The following GRIN2A variants were observed in gnomAD, a reference collection of about 807,000 sequenced individuals.
GRIN2A encodes glutamate receptor ionotropic, NMDA 2A.
In GRIN2A, 22 loss-of-function variants were observed where a neutral mutation model predicts 113.4. That is an observed-to-expected ratio of 0.19 (90% CI 0.14 to 0.28). GRIN2A has a LOEUF of 0.28. Among genes scored for constraint, GRIN2A ranks in the 10% least tolerant of loss-of-function variants. The pLI, the probability that GRIN2A is intolerant of heterozygous loss-of-function variation, is 1.00. For missense variants in GRIN2A, 1,502 were observed against 1,887.0 expected, an observed-to-expected ratio of 0.80 and a Z score of 3.78; for synonymous variants, 827 against 738.4, an observed-to-expected ratio of 1.12 and a Z score of -1.94.
At chr16:10,179,873 G>A (rs770127321) in intron 2 of GRIN2A, 125 bp downstream of exon 2, 4 of 716,532 alleles carry the variant, frequency 5.6e-6, no homozygotes, top group South Asian at 1.5e-5. Flanking sequence ...CAGTGGCCAC[G>A]ACCCTCCCAC....
chr16:9,979,916 A>T (rs2045859533), intron 2 of GRIN2A, among the ~76,000 whole-genome samples: 1 of 150,770 alleles, frequency 6.6e-6, no homozygotes, highest in Non-Finnish European at 1.5e-5. Flanking sequence ...TTTATATTAT[A>T]TTGAAAATGA....
At chr16:10,112,110 C>T (rs992886570) in intron 2 of GRIN2A, 16 of 600,082 alleles carry the variant, frequency 2.7e-5, no homozygotes, top group Non-Finnish European at 4.3e-5. Context: ...CAAGCAGCTG[C>T]TGTGCAGGGC....
At chr16:9,898,486 A>G (rs1384266855) in intron 3 of GRIN2A, among the ~76,000 whole-genome samples, 1 of 152,196 alleles carries the variant, frequency 6.6e-6, no homozygotes, top group Admixed American at 6.5e-5. Flanking sequence ...TAATTATTTG[A>G]GATGTTCTCT....
At chr16:10,110,557 G>A (rs142768896) in intron 2 of GRIN2A, among the ~76,000 whole-genome samples, 4 of 152,344 alleles carry the variant, frequency 2.6e-5, no homozygotes, top group Admixed American at 1.3e-4. Flanking sequence ...AGCCAGGACT[G>A]GGGGGTGCAT....
At chr16:10,084,744 C>CTTTA (rs144403767) in intron 2 of GRIN2A, among the ~76,000 whole-genome samples, 160 of 147,096 alleles carry the variant, frequency 1.1e-3, no homozygotes, top group East Asian at 2.6e-3. Context: ...CCACCTGACA[C>CTTTA]TTTATTTATT....
At chr16:9,887,806 C>T (rs1424089065) in intron 4 of GRIN2A, among the ~76,000 whole-genome samples, 1 of 152,170 alleles carries the variant, frequency 6.6e-6, no homozygotes, top group Non-Finnish European at 1.5e-5. Flanking sequence ...CGCCTGTGAT[C>T]TCAGCACTTT....
chr16:10,024,455 T>C (rs1446734779), intron 2 of GRIN2A, among the ~76,000 whole-genome samples: 1 of 152,224 alleles, frequency 6.6e-6, no homozygotes, highest in Non-Finnish European at 1.5e-5. Flanking sequence ...CCCAACCTCA[T>C]GATCCACCCG....
chr16:9,876,143 C>T (rs966044976), intron 4 of GRIN2A, among the ~76,000 whole-genome samples: 3 of 152,074 alleles, frequency 2.0e-5, no homozygotes, highest in Non-Finnish European at 2.9e-5. Context: ...TAAAACCCCT[C>T]GTGGCTTGGA....
chr16:10,006,905 T>C (rs1223079342), intron 2 of GRIN2A, among the ~76,000 whole-genome samples: 1 of 152,248 alleles, frequency 6.6e-6, no homozygotes, highest in Non-Finnish European at 1.5e-5. Context: ...TATGCCTGGC[T>C]TATTTCACTT....
intron 2 of GRIN2A, among the ~76,000 whole-genome samples, chr16:10,055,113 A>AAAAAAAAAAAAAAG (rs2047434617): frequency 3.2e-5 from 1 of 31,670 alleles, no homozygotes; most frequent in Admixed American, 3.3e-4. Context: ...AAGAAAAAAG[A>AAAAAAAAAAAAAAG]AAAAAAAAAC....
chr16:9,932,436 C>T (rs990920557), intron 3 of GRIN2A, among the ~76,000 whole-genome samples: 6 of 152,050 alleles, frequency 3.9e-5, no homozygotes, highest in Admixed American at 6.5e-5. Flanking sequence ...AATGCAGTGA[C>T]GTGATCTCAG....
At chr16:9,852,518 T>C (rs893419529) in intron 4 of GRIN2A, among the ~76,000 whole-genome samples, 2 of 152,140 alleles carry the variant, frequency 1.3e-5, no homozygotes, top group African/African-American at 4.8e-5. Flanking sequence ...AATAACTTCC[T>C]AAATCTTCTC....
At chr16:10,053,463 G>C (rs182604430) in intron 2 of GRIN2A, among the ~76,000 whole-genome samples, 166 of 152,270 alleles carry the variant, frequency 1.1e-3, no homozygotes, top group Non-Finnish European at 1.3e-3. Flanking sequence ...AACCTGAAAT[G>C]TGTGCCTCTC....
intron 3 of GRIN2A, among the ~76,000 whole-genome samples, chr16:9,915,821 A>T (rs1400286437): frequency 6.6e-6 from 1 of 152,206 alleles, no homozygotes; most frequent in Non-Finnish European, 1.5e-5. Context: ...TTAAATGGAG[A>T]TACTAATGGC....
intron 2 of GRIN2A, chr16:10,112,103 G>C (rs2048627512): frequency 2.0e-5 from 12 of 601,564 alleles, no homozygotes; most frequent in Non-Finnish European, 3.1e-5. Context: ...ATTCCCACAA[G>C]CAGCTGCTGT....
At chr16:9,844,997 T>G (rs1291267758) in intron 5 of GRIN2A, among the ~76,000 whole-genome samples, 3 of 152,192 alleles carry the variant, frequency 2.0e-5, no homozygotes, top group Non-Finnish European at 2.9e-5. Context: ...ACAGGAATTC[T>G]TTTTGCAACT....
chr16:9,871,973 G>A (rs1051126163), intron 4 of GRIN2A, among the ~76,000 whole-genome samples: 3 of 152,102 alleles, frequency 2.0e-5, no homozygotes, highest in East Asian at 1.9e-4. Context: ...TCAGGTTAGC[G>A]GAAATTAACT....
At chr16:10,139,835 A>ATT (rs33934795) in intron 2 of GRIN2A, among the ~76,000 whole-genome samples, 13,155 of 111,042 alleles carry the variant, frequency 0.12, 595 homozygotes, top group South Asian at 0.21. Context: ...GAGATAAATA[A>ATT]TTTTTTTTTT....
At chr16:10,076,223 G>C (rs2052472026) in intron 2 of GRIN2A, among the ~76,000 whole-genome samples, 1 of 152,130 alleles carries the variant, frequency 6.6e-6, no homozygotes, top group African/African-American at 2.4e-5. Flanking sequence ...CTGTCCTGCT[G>C]CTTGTGTTTG....
Sources: gnomAD v4.1 joint callset for allele counts (sites outside exome capture counted in the v4.1 genomes callset) on GRCh38, gnomAD v4.1.1 for gene constraint, MANE v1.5 for transcripts, NCBI Gene and HGNC (gene_info 2026-07-23, HGNC 2026-07-21) for gene names.